CDC40: variants seen among roughly 807,000 people sequenced by gnomAD.
CDC40 encodes pre-mRNA-processing factor 17.
A neutral mutation model predicts 80.6 loss-of-function variants in CDC40; 27 were observed. That is an observed-to-expected ratio of 0.33 (90% CI 0.25 to 0.46). The LOEUF (loss-of-function observed/expected upper bound fraction) is 0.46, where lower values mean the gene tolerates loss of function less well. Ranked by LOEUF, CDC40 falls within the 20% of genes least tolerant of loss-of-function variation. The pLI is 1.00. For missense variants in CDC40, 486 were observed against 694.1 expected (o/e 0.70, Z 3.37); for synonymous variants, 221 against 232.6 (o/e 0.95, Z 0.45).
intron 9 of CDC40, among the ~76,000 whole-genome samples, chr6:110,216,813 T>G (rs1052431961): frequency 6.6e-6 from 1 of 152,124 alleles, no homozygotes; most frequent in African/African-American, 2.4e-5. Context: ...TTTAAAAGAG[T>G]TGAGTGAACT....
rs771208159 is a variant in CDC40, at chr6:110,217,688, G to T, written c.989-14G>T. On this transcript the variant is annotated splice_polypyrimidine_tract_variant and intron_variant, in intron 9 of 14. Transcript: ENST00000307731. ...ACTTCACCTCATTGCTGTTTCTGTT[G>T]ACTCCACCTTTAGGTCACAGTAAGG... 2.3e-6 allele frequency: 3 copies of T among 1,277,096 alleles called. No individual in the cohort carries two copies. The highest frequency in any genetic ancestry group is 2.4e-5 in the South Asian group (2 of 84,350). The allele number at this position is 1,277,096 out of a possible 1,614,324, so 79.1% of individuals were successfully genotyped here. A position where few individuals can be genotyped will look rare whatever the true frequency, so the allele number is the denominator to read the frequency against.
intron 1 of CDC40, 117 bp from the exon 2 acceptor site, chr6:110,193,065 A>G (rs1584063638): frequency 3.5e-6 from 2 of 572,760 alleles, no homozygotes; most frequent in African/African-American, 1.9e-5. Context: ...TATTAATCAT[A>G]TGATAAGTTA....
intron 12 of CDC40, among the ~76,000 whole-genome samples, chr6:110,225,097 A>C (rs1777834164): frequency 6.6e-6 from 1 of 152,202 alleles, no homozygotes; most frequent in Non-Finnish European, 1.5e-5. Context: ...TCCTCTGACC[A>C]TGACCCTGAT....
Position 110,213,610 on chromosome 6 carries a change from T to C in CDC40, c.942+450T>C, listed in dbSNP as rs116671828. 6.0e-3 allele frequency among the ~76,000 whole-genome samples: 915 copies of C among 152,302 alleles called. 12 individuals are homozygous for C. The highest frequency in any genetic ancestry group is 0.021 in the African/African-American group (872 of 41,542). ...AATCCAATCATTTTGGCTTTGGACA[T>C]ATAAATATTTAATCACTAATCATTA... On this transcript the variant is annotated intron_variant, in intron 8 of 14. Transcript: ENST00000307731.
rs1460193925 is a variant in CDC40, at chr6:110,230,426, A to C, written c.*295A>C. On this transcript the variant is annotated 3_prime_UTR_variant, in exon 15 of 15. Transcript: ENST00000307731. ...ATACTGAAAGCATCTCTTTGGGGTC[A>C]AGAAAGAATCCCTAGTGGATTTGGG... 6 of 245,466 alleles carry C rather than the reference A, an allele frequency of 2.4e-5. No individual in the cohort carries two copies. In the East Asian group the frequency reaches 6.9e-4, roughly 28 times the overall value. The allele number at this position is 245,466 out of a possible 1,614,324, so 15.2% of individuals were successfully genotyped here. A position where few individuals can be genotyped will look rare whatever the true frequency, so the allele number is the denominator to read the frequency against.
At chr6:110,187,951 G>T (rs1777296745) in intron 1 of CDC40, among the ~76,000 whole-genome samples, 1 of 152,112 alleles carries the variant, frequency 6.6e-6, no homozygotes, top group African/African-American at 2.4e-5. Flanking sequence ...CAAGGTTGTG[G>T]TATTGTCCAA....
Position 110,182,810 on chromosome 6 carries a change from T to G in CDC40, c.189+2177T>G, listed in dbSNP as rs1777216693. Among the ~76,000 whole-genome samples the G allele has an allele frequency of 2.6e-5, 4 of 152,230 alleles. No homozygotes were observed. In the South Asian group the frequency reaches 8.3e-4, roughly 31 times the overall value. ...CTTCAGACAGTTGTAGCCTTCTAAC[T>G]GATCTTTCTACTTCTTCCTTTCTTG... On this transcript the variant is annotated intron_variant, in intron 1 of 14. Transcript: ENST00000307731.
At chr6:110,213,250 A>T in intron 8 of CDC40, 90 bp downstream of exon 8, 1 of 839,402 alleles carries the variant, frequency 1.2e-6, no homozygotes, top group East Asian at 2.5e-5. Flanking sequence ...TGGGTTTGTT[A>T]GGCAATTAGA....
chr6:110,213,758 A>G (rs545415182), intron 8 of CDC40, among the ~76,000 whole-genome samples: 37 of 152,318 alleles, frequency 2.4e-4, no homozygotes, highest in African/African-American at 8.2e-4. Context: ...TCTTCTAAAT[A>G]CTAGTAGACA....
intron 2 of CDC40, among the ~76,000 whole-genome samples, chr6:110,194,938 G>T (rs1174539468): frequency 6.6e-6 from 1 of 152,074 alleles, no homozygotes; most frequent in Non-Finnish European, 1.5e-5. Flanking sequence ...CGTTCTCTTT[G>T]TGGGATTTCA....
chr6:110,227,219 A>T (rs1777875982), intron 13 of CDC40, among the ~76,000 whole-genome samples: 1 of 152,202 alleles, frequency 6.6e-6, no homozygotes, highest in African/African-American at 2.4e-5. Flanking sequence ...CTGACAATAT[A>T]CTGATGTAAT....
chr6:110,194,486 G>C (rs1434654909), intron 2 of CDC40, among the ~76,000 whole-genome samples: 1 of 152,168 alleles, frequency 6.6e-6, no homozygotes, highest in Non-Finnish European at 1.5e-5. Flanking sequence ...AGCCAGAGTT[G>C]TCAGTGCTTG....
intron 12 of CDC40, among the ~76,000 whole-genome samples, chr6:110,225,312 A>C (rs926793805): frequency 2.0e-5 from 3 of 152,214 alleles, no homozygotes; most frequent in Non-Finnish European, 2.9e-5. Context: ...GAAAAGCAAC[A>C]AGACGAAAAC....
chr6:110,212,956 TG>T, intron 7 of CDC40, 129 bp from the exon 8 acceptor site: 1 of 709,466 alleles, frequency 1.4e-6, no homozygotes. Context: ...AAAGTTATTC[TG>T]GGGTGAGATT....
chr6:110,193,396 A>G (rs192153701), intron 2 of CDC40, 128 bp downstream of exon 2: 16 of 596,476 alleles, frequency 2.7e-5, no homozygotes, highest in East Asian at 2.6e-4. Flanking sequence ...TAGAAAATAC[A>G]TGCTTCTTTT....
intron 1 of CDC40, among the ~76,000 whole-genome samples, chr6:110,191,733 G>A (rs1777351547): frequency 6.6e-6 from 1 of 152,184 alleles, no homozygotes; most frequent in South Asian, 2.1e-4. Flanking sequence ...CTGGGGTAAA[G>A]TGAGCACAGG....
chr6:110,209,145 T>C lies in CDC40; in HGVS notation c.552T>C (p.Asn184=). 1 of 1,604,592 alleles carries C rather than the reference T, an allele frequency of 6.2e-7. No individual in the cohort carries two copies. The highest frequency in any genetic ancestry group is 8.5e-7 in the Non-Finnish European group (1 of 1,171,958). The part of the protein sequence containing the change: ...KTEKRKKFKE[N]DASNIDGFLG... Reference sequence around the variant, plus strand: ...AAAAGAGGAAAAAGTTTAAAGAAAATGATGCATCCAATATTGATGGTTTTT... The same window carrying C: ...AAAAGAGGAAAAAGTTTAAAGAAAACGATGCATCCAATATTGATGGTTTTT... Residue 184 remains asparagine, a synonymous_variant, in exon 5 of 15, where the codon AAT becomes AAC. Coordinates refer to ENST00000307731, the MANE Select transcript of CDC40 (RefSeq NM_015891.3).
At chr6:110,229,687 T>G (rs1164006764) in intron 14 of CDC40, among the ~76,000 whole-genome samples, 1 of 152,148 alleles carries the variant, frequency 6.6e-6, no homozygotes, top group Non-Finnish European at 1.5e-5. Flanking sequence ...AGAGACTGAT[T>G]GTGTAACCTC....
intron 10 of CDC40, 83 bp from the exon 11 acceptor site, chr6:110,219,281 G>T: frequency 3.3e-6 from 2 of 613,426 alleles, no homozygotes; most frequent in East Asian, 2.8e-5. Flanking sequence ...GTATTAAGCA[G>T]GTGACCTCTA....
Sources: allele counts gnomAD v4.1 joint callset (sites outside exome capture counted in the v4.1 genomes callset), GRCh38; gene constraint gnomAD v4.1.1; transcripts MANE v1.5; gene names NCBI Gene and HGNC (gene_info 2026-07-23, HGNC 2026-07-21).